The following MYT1L variants were observed in gnomAD, a reference collection of about 807,000 sequenced individuals.
MYT1L encodes myelin transcription factor 1-like protein.
A neutral mutation model predicts 126.7 loss-of-function variants in MYT1L; 12 were observed. The observed-to-expected ratio is 0.09, with a 90% CI of 0.06 to 0.15. The LOEUF (loss-of-function observed/expected upper bound fraction) is 0.15. Ranked by LOEUF, MYT1L falls within the 10% of genes least tolerant of loss-of-function variation. MYT1L has a pLI of 1.00. For synonymous variants in MYT1L, 541 were observed against 604.2 expected, an observed-to-expected ratio of 0.90 and a Z score of 1.53; for missense variants, 979 against 1,585.2, an observed-to-expected ratio of 0.62 and a Z score of 6.49.
rs192456572 is a variant in MYT1L, at chr2:1,844,112, T to A, written c.2775-3269A>T. 2.5e-4 allele frequency among the ~76,000 whole-genome samples: 38 copies of A among 152,222 alleles called. No individual in the cohort carries two copies. The East Asian group carries it at 5.4e-3, about 22-fold the overall frequency. On this transcript the variant is annotated intron_variant, in intron 19 of 24. Coordinates refer to ENST00000647738, the MANE Select transcript of MYT1L (RefSeq NM_001303052.2). Reference sequence around the variant, plus strand: ...GTGGTCTTTACCTGCCCCCACTCACTTGGTGGGCAGCTCGGCACCTGTGCC... The same window carrying A: ...GTGGTCTTTACCTGCCCCCACTCACATGGTGGGCAGCTCGGCACCTGTGCC...
intron 8 of MYT1L, among the ~76,000 whole-genome samples, chr2:1,975,247 T>TGCCAAATCCCACCGCCAGATCCCACC (rs1553373517): frequency 6.7e-6 from 1 of 149,726 alleles, no homozygotes; most frequent in East Asian, 2.0e-4. Flanking sequence ...CCAAACAGAC[T>TGCCAAATCCCACCGCCAGATCCCACC]GCCAGATCCC....
chr2:1,792,436 G>A lies in MYT1L; in HGVS notation c.3305C>T (p.Thr1102Ile). 1 of 1,613,744 alleles carries A rather than the reference G, an allele frequency of 6.2e-7. No homozygotes were observed. Among genetic ancestry groups the A allele is most frequent in the South Asian group, 1.1e-5 (1 of 91,012 alleles). Reference protein sequence around the residue: ...QITTMESNLKTIEEENKVIEQ... With the variant: ...QITTMESNLKIIEEENKVIEQ... ...AATCACTTTGTTCTCCTCTTCGATG[G>A]TCTTCAGGTTGCTCTCCATCGTGGT... The change falls in exon 24 of 25, where the codon ACC (threonine) becomes ATC (isoleucine). Residue 1102 changes from threonine (T) to isoleucine (I), a missense_variant. Coordinates refer to ENST00000647738, the MANE Select transcript of MYT1L (RefSeq NM_001303052.2).
intron 4 of MYT1L, among the ~76,000 whole-genome samples, chr2:2,043,695 G>A: frequency 6.6e-6 from 1 of 152,144 alleles, no homozygotes; most frequent in Non-Finnish European, 1.5e-5. Context: ...CTCAGGGGTG[G>A]CATCTTTATT....
chr2:2,149,647 C>T (rs901756336), intron 3 of MYT1L, among the ~76,000 whole-genome samples: 2 of 152,206 alleles, frequency 1.3e-5, no homozygotes, highest in Non-Finnish European at 2.9e-5. Context: ...AGGGTTCTTT[C>T]CAGGGCTGTT....
chr2:1,941,730 T>C (rs1558478176), intron 9 of MYT1L, among the ~76,000 whole-genome samples: 1 of 152,214 alleles, frequency 6.6e-6, no homozygotes, highest in Admixed American at 6.5e-5. Flanking sequence ...TACATATGCA[T>C]CTATGTGTAT....
rs375847105 is a variant in MYT1L at position 1,917,245 on chromosome 2, G to A, written c.1578C>T (p.Ser526=). The A allele has an allele frequency of 8.1e-6, 13 of 1,613,654 alleles. No homozygotes were observed. The highest frequency in any genetic ancestry group is 1.3e-5 in the African/African-American group (1 of 74,926). ...TATCTTTGTGCGGGCATCCGGACAG[G>A]CTGCGGTGATGTGGGTACAGCCCAG... is the stretch of plus-strand genomic sequence containing the variant. ...HVTGLYPHHR[S]LSGCPHKDRV... is the part of the protein sequence containing the mutation. Residue 526 remains serine (S), a synonymous_variant, in exon 11 of 25, where the codon AGC becomes AGT. Transcript: ENST00000647738. The surrounding 1 kb of genome is among the most constrained non-coding windows in gnomAD (Gnocchi z 5.9).
At chr2:1,903,434 T>A (rs1437561177) in intron 13 of MYT1L, 140 bp from the exon 14 acceptor site, 4 of 682,934 alleles carry the variant, frequency 5.9e-6, no homozygotes, top group Non-Finnish European at 9.8e-6. Flanking sequence ...ACAACTTTTT[T>A]ATTTTCTGAA....
At chr2:2,307,411 A>G (rs1290773268) in intron 1 of MYT1L, among the ~76,000 whole-genome samples, 1 of 152,118 alleles carries the variant, frequency 6.6e-6, no homozygotes, top group Non-Finnish European at 1.5e-5. Context: ...ACTCTAAAGT[A>G]ATGATGGAAG....
intron 18 of MYT1L, among the ~76,000 whole-genome samples, chr2:1,858,969 C>T (rs183224043): frequency 2.0e-5 from 3 of 152,284 alleles, no homozygotes; most frequent in Admixed American, 6.5e-5. Flanking sequence ...AAGGGTGCGG[C>T]GGCATGCCTG....
chr2:2,252,057 G>A (rs1482026597), intron 2 of MYT1L, among the ~76,000 whole-genome samples: 2 of 152,132 alleles, frequency 1.3e-5, no homozygotes, highest in East Asian at 1.9e-4. Context: ...AGGGGAAAAT[G>A]TAAACTAAAA....
At chr2:1,822,773 C>T (rs1427578078) in intron 21 of MYT1L, among the ~76,000 whole-genome samples, 1 of 69,668 alleles carries the variant, frequency 1.4e-5, no homozygotes, top group South Asian at 4.3e-4. Context: ...ACGGTGAAAC[C>T]CTCCTCTCCT....
At chr2:2,145,259 G>A (rs2084702990) in intron 3 of MYT1L, among the ~76,000 whole-genome samples, 1 of 152,176 alleles carries the variant, frequency 6.6e-6, no homozygotes, top group African/African-American at 2.4e-5. Flanking sequence ...TCTGGAGAAA[G>A]CAAAGGAGAT....
intron 1 of MYT1L, chr2:2,326,163 C>T (rs1282287029): frequency 6.6e-6 from 1 of 152,368 alleles, no homozygotes; most frequent in African/African-American, 2.4e-5. Flanking sequence ...TCTGTGTTTC[C>T]ATTCCATTCA....
At chr2:1,849,671 T>TG (rs1219444925) in intron 19 of MYT1L, among the ~76,000 whole-genome samples, 2 of 152,260 alleles carry the variant, frequency 1.3e-5, no homozygotes, top group African/African-American at 2.4e-5. Flanking sequence ...TTGCCAGCAC[T>TG]GCAGAGGCTG....
intron 21 of MYT1L, among the ~76,000 whole-genome samples, chr2:1,813,264 A>G (rs1572465561): frequency 6.7e-6 from 1 of 150,034 alleles, no homozygotes; most frequent in African/African-American, 2.5e-5. Context: ...TTGCGCCTGA[A>G]CCCCCTCCCT....
intron 22 of MYT1L, 43 bp downstream of exon 22, chr2:1,809,033 C>T (rs761550386): frequency 1.3e-6 from 2 of 1,585,106 alleles, no homozygotes; most frequent in Admixed American, 1.7e-5. Flanking sequence ...GCCCGCTGGG[C>T]CTTCCTGACC....
chr2:1,930,770 G>A (rs1349895445), intron 9 of MYT1L, among the ~76,000 whole-genome samples: 1 of 152,140 alleles, frequency 6.6e-6, no homozygotes, highest in Non-Finnish European at 1.5e-5. Flanking sequence ...AGGATTGACT[G>A]GCATGTTTTT....
At chr2:2,075,985 G>T (rs1245301781) in intron 3 of MYT1L, among the ~76,000 whole-genome samples, 1 of 152,224 alleles carries the variant, frequency 6.6e-6, no homozygotes, top group African/African-American at 2.4e-5. Context: ...TCAGAGCACA[G>T]TCAATATTTT....
rs1049243753 is a variant in MYT1L, at chr2:1,929,799, G to A, written c.506-6536C>T. On this transcript the variant is annotated intron_variant, in intron 9 of 24. Coordinates refer to ENST00000647738, the MANE Select transcript of MYT1L (RefSeq NM_001303052.2). This position sits in a 1 kb window ranked among gnomAD's most constrained non-coding sequence, Gnocchi z 4.7. Reference sequence around the variant, plus strand: ...AAAATTTAATATGTGAAGAAACTTAGGTCCTGGGAGTTGAAGTCACCTGCT... The same window carrying A: ...AAAATTTAATATGTGAAGAAACTTAAGTCCTGGGAGTTGAAGTCACCTGCT... Among the ~76,000 whole-genome samples, 3 of 152,180 alleles carry A rather than the reference G, an allele frequency of 2.0e-5. No individual in the cohort carries two copies. Among genetic ancestry groups the A allele is most frequent in the African/African-American group, 7.2e-5 (3 of 41,428 alleles).
Sources: gnomAD v4.1 joint callset for allele counts (sites outside exome capture counted in the v4.1 genomes callset) on GRCh38, gnomAD v4.1.1 for gene constraint, Gnocchi (gnomAD v3.1) non-coding constraint, MANE v1.5 for transcripts, NCBI Gene and HGNC (gene_info 2026-07-23, HGNC 2026-07-21) for gene names.